The following DAW1 variants were observed in gnomAD, a reference collection of about 807,000 sequenced individuals.
DAW1 encodes dynein assembly factor with WD repeat domains 1.
In DAW1, 47 loss-of-function variants were observed where a neutral mutation model predicts 56.5. That is an observed-to-expected ratio of 0.83 (90% CI 0.66 to 1.06). DAW1 has a LOEUF of 1.06. Ranked by LOEUF, DAW1 falls within the 50% of genes least tolerant of loss-of-function variation. The pLI is 0.00. For synonymous variants in DAW1, 190 were observed against 179.0 expected (o/e 1.06, Z -0.49); for missense variants, 505 against 499.3 (o/e 1.01, Z -0.11).
At chr2:227,878,733 G>T (rs1052377381) in intron 1 of DAW1, among the ~76,000 whole-genome samples, 3 of 151,322 alleles carry the variant, frequency 2.0e-5, no homozygotes, top group Admixed American at 1.3e-4. Flanking sequence ...CTAACAAAAT[G>T]AAGAAGAAAA....
In DAW1 at chr2:227,885,399, T is replaced by C. The variant is rs749571745; in HGVS notation, c.89T>C (p.Ile30Thr). The C allele has an allele frequency of 1.2e-6, 2 of 1,602,886 alleles. No individual in the cohort carries two copies. The highest frequency in any genetic ancestry group is 1.7e-6 in the Non-Finnish European group (2 of 1,176,170). The change falls in exon 2 of 13, where the codon ATA (isoleucine) becomes ACA (threonine). Residue 30 changes from isoleucine to threonine, a missense_variant. Physicochemically the swap from Ile to Thr is moderately conservative, Grantham distance 89. Coordinates refer to ENST00000309931, the MANE Select transcript of DAW1 (RefSeq NM_178821.3). ...EKHGELKTKSIDLLDLGPSTD... is the reference protein window; with the variant it reads ...EKHGELKTKSTDLLDLGPSTD... The stretch of plus-strand genomic sequence containing the variant: ...CATGGAGAATTAAAGACTAAGTCCA[T>C]AGATTTGCTTGATCTTGGTCCCAGG...
At chr2:227,871,964 A>T (rs1312886532) in intron 1 of DAW1, among the ~76,000 whole-genome samples, 1 of 152,252 alleles carries the variant, frequency 6.6e-6, no homozygotes, top group Non-Finnish European at 1.5e-5. Context: ...TGTGCATGTC[A>T]GTCTGTCTGC....
rs144196083 is a variant in DAW1 at position 227,911,367 on chromosome 2, C to T, written c.973+4115C>T. 1.3e-3 allele frequency among the ~76,000 whole-genome samples: 124 copies of T among 92,868 alleles called. 1 individual carries two copies. The highest frequency in any genetic ancestry group is 4.1e-3 in the African/African-American group (119 of 28,774). 60.9% of individuals were successfully genotyped at this position (92,868 alleles called of 152,430 possible). On this transcript the variant is annotated intron_variant, in intron 10 of 12. Transcript: ENST00000309931. ...ACACATGTGTATATATAAAATTATACATGATTATATATATTATATATATAT... is the reference window on the plus strand; with the variant it reads ...ACACATGTGTATATATAAAATTATATATGATTATATATATTATATATATAT...
chr2:227,873,374 A>T (rs915170622), intron 1 of DAW1, among the ~76,000 whole-genome samples: 30 of 152,326 alleles, frequency 2.0e-4, no homozygotes, highest in African/African-American at 6.7e-4. Flanking sequence ...GTGTGGTTTG[A>T]TCATTGTAGC....
rs141317384 is a variant in DAW1 at position 227,909,325 on chromosome 2, T to C, written c.973+2073T>C. ...CTGTTTTATACTATATATAATTTTA[T>C]GTATTTTTTATATTATATATTTGTA... On this transcript the variant is annotated intron_variant, in intron 10 of 12. Transcript: ENST00000309931. Among the ~76,000 whole-genome samples, 12 of 148,338 alleles carry C rather than the reference T, an allele frequency of 8.1e-5. No individual in the cohort carries two copies. The East Asian group carries it at 2.3e-3, about 29-fold the overall frequency.
Position 227,902,990 on chromosome 2 carries a change from T to G in DAW1, c.541-12T>G. The G allele has an allele frequency of 6.2e-7, 1 of 1,612,514 alleles. No individual in the cohort carries two copies. Among genetic ancestry groups the G allele is most frequent in the Non-Finnish European group, 8.5e-7 (1 of 1,179,434 alleles). On this transcript the variant is annotated splice_polypyrimidine_tract_variant and intron_variant, in intron 6 of 12. Coordinates refer to ENST00000309931, the MANE Select transcript of DAW1 (RefSeq NM_178821.3). ...TGTCTTCCTAAAATTTCTCCCATTT[T>G]ATGTAATTTAGGTGTGTTTATCATT...
At chr2:227,902,561 G>C (rs564314504) in intron 6 of DAW1, among the ~76,000 whole-genome samples, 33 of 152,170 alleles carry the variant, frequency 2.2e-4, no homozygotes, top group African/African-American at 7.2e-4. Flanking sequence ...GCATGGGTCT[G>C]GGGGAACTGG....
At position 227,900,655 on chromosome 2, in the gene DAW1, GC is replaced by G. The variant is rs1451567298; in HGVS notation, c.541-2346del. The stretch of plus-strand genomic sequence containing the variant: ...CAGCCCTGGAAAATGCTGAGAAGAG[GC>G]ATGCAACAGTGATGTGTGCCTGAAA... On this transcript the variant is annotated intron_variant, in intron 6 of 12. Coordinates refer to ENST00000309931, the MANE Select transcript of DAW1 (RefSeq NM_178821.3). Among the ~76,000 whole-genome samples, 3 of 152,278 alleles carry G rather than the reference GC, an allele frequency of 2.0e-5. No homozygotes were observed. In the East Asian group the frequency reaches 5.8e-4, roughly 29 times the overall value.
At chr2:227,883,907 A>G (rs1326882439) in intron 1 of DAW1, among the ~76,000 whole-genome samples, 1 of 152,212 alleles carries the variant, frequency 6.6e-6, no homozygotes, top group Non-Finnish European at 1.5e-5. Flanking sequence ...AGTTTTTAAT[A>G]TGGAAAAAAA....
rs1456807555 is a variant in DAW1, at chr2:227,906,296, T to C, written c.816T>C (p.Asp272=). 1 of 1,613,282 alleles carries C rather than the reference T, an allele frequency of 6.2e-7. No individual in the cohort carries two copies. The highest frequency in any genetic ancestry group is 8.5e-7 in the Non-Finnish European group (1 of 1,179,566). Residue 272 remains aspartate, a synonymous_variant, in exon 9 of 13, where the codon GAT becomes GAC. Transcript: ENST00000309931. ...AEISSASFNW[D]CSLILTGSMD... ...TTAGCAGTGCCTCATTCAATTGGGA[T>C]TGCTCTCTAATATTAACTGGCTCTA... is the stretch of plus-strand genomic sequence containing the variant.
intron 5 of DAW1, among the ~76,000 whole-genome samples, 172 bp downstream of exon 5, chr2:227,894,089 TCA>T (rs947775848): frequency 1.3e-5 from 2 of 152,164 alleles, no homozygotes. Flanking sequence ...GGGTTAGCTA[TCA>T]CTATCCGCAT....
chr2:227,923,678 C>G (rs565356387), intron 12 of DAW1, among the ~76,000 whole-genome samples: 25 of 152,032 alleles, frequency 1.6e-4, no homozygotes, highest in African/African-American at 4.6e-4. Context: ...TTCTGAGAAG[C>G]CATGAATCTT....
At chr2:227,919,107 G>A (rs1692045150) in intron 11 of DAW1, among the ~76,000 whole-genome samples, 1 of 150,980 alleles carries the variant, frequency 6.6e-6, no homozygotes, top group African/African-American at 2.4e-5. Context: ...GAGGAAGGAG[G>A]ATTGCTTGAG....
chr2:227,902,728 CT>C (rs1259084598), intron 6 of DAW1, among the ~76,000 whole-genome samples: 1 of 152,078 alleles, frequency 6.6e-6, no homozygotes, highest in Non-Finnish European at 1.5e-5. Flanking sequence ...GTGGGCTTCA[CT>C]TTTGTTCTTG....
rs1185862400 is a variant in DAW1, at chr2:227,905,414, TC to T, written c.755+381del. 2.6e-5 allele frequency among the ~76,000 whole-genome samples: 4 copies of T among 152,362 alleles called. No individual in the cohort carries two copies. The East Asian group carries it at 7.7e-4, about 29-fold the overall frequency. On this transcript the variant is annotated intron_variant, in intron 8 of 12. Coordinates refer to ENST00000309931, the MANE Select transcript of DAW1 (RefSeq NM_178821.3). ...TTAATTTAGTCCAAGAACTTCAATT[TC>T]CTTCCTAATGATTTTTGGTCCTAGT...
intron 5 of DAW1, among the ~76,000 whole-genome samples, chr2:227,894,545 G>A (rs778645844): frequency 1.3e-5 from 2 of 152,310 alleles, no homozygotes; most frequent in Non-Finnish European, 2.9e-5. Flanking sequence ...ACTGCCTATT[G>A]ATGTTCACAG....
chr2:227,906,984 G>A (rs550679626), intron 9 of DAW1, among the ~76,000 whole-genome samples, 154 bp from the exon 10 acceptor site: 1 of 152,134 alleles, frequency 6.6e-6, no homozygotes, highest in African/African-American at 2.4e-5. Context: ...ATGAATCAAA[G>A]TAAATCTAAC....
intron 11 of DAW1, among the ~76,000 whole-genome samples, chr2:227,919,327 A>C (rs1692052370): frequency 1.3e-5 from 2 of 151,912 alleles, no homozygotes; most frequent in Admixed American, 6.6e-5. Context: ...TAAAGACTTT[A>C]TTTTTAACTG....
intron 1 of DAW1, among the ~76,000 whole-genome samples, chr2:227,879,135 A>G (rs565865414): frequency 1.2e-4 from 19 of 152,298 alleles, no homozygotes; most frequent in Non-Finnish European, 2.2e-4. Flanking sequence ...TGAAAAATAC[A>G]TCAAGGAATA....
Sources: allele counts gnomAD v4.1 joint callset (sites outside exome capture counted in the v4.1 genomes callset), GRCh38; gene constraint gnomAD v4.1.1; transcripts MANE v1.5; gene names NCBI Gene and HGNC (gene_info 2026-07-23, HGNC 2026-07-21).